Variants in ADAMTS9 observed in about 807,000 individuals in gnomAD.
The protein encoded by ADAMTS9 is ADAM metallopeptidase with thrombospondin type 1 motif 9.
A neutral mutation model predicts 257.1 loss-of-function variants in ADAMTS9; 107 were observed. The observed-to-expected ratio is 0.42, with a 90% CI of 0.36 to 0.49. The LOEUF (loss-of-function observed/expected upper bound fraction) is 0.49, where lower values mean the gene tolerates loss of function less well. Among genes scored for constraint, ADAMTS9 ranks in the 20% least tolerant of loss-of-function variants. ADAMTS9 has a pLI of 0.03. For synonymous variants in ADAMTS9, 982 were observed against 880.9 expected (o/e 1.11, Z -2.03); for missense variants, 2,353 against 2,469.1 (o/e 0.95, Z 1.00).
At chr3:64,568,206 C>A (rs1345258576) in intron 29 of ADAMTS9, among the ~76,000 whole-genome samples, 162 bp downstream of exon 29, 1 of 152,182 alleles carries the variant, frequency 6.6e-6, no homozygotes, top group African/African-American at 2.4e-5. Flanking sequence ...TGTCACACAG[C>A]TAGTAAGTAT....
chr3:64,617,336 C>T (rs748855779), intron 19 of ADAMTS9, among the ~76,000 whole-genome samples: 2 of 152,136 alleles, frequency 1.3e-5, no homozygotes, highest in Admixed American at 1.3e-4. Flanking sequence ...GTCCTGCCTC[C>T]ACAAGAAAAC....
chr3:64,602,935 C>T (rs1183751115), intron 25 of ADAMTS9, among the ~76,000 whole-genome samples: 1 of 152,162 alleles, frequency 6.6e-6, no homozygotes, highest in East Asian at 1.9e-4. Context: ...AGCAAGCTTT[C>T]ACAAATATCT....
chr3:64,616,008 G>C lies in ADAMTS9; in HGVS notation c.2976C>G (p.Cys992Trp). Residue 992 changes from cysteine to tryptophan, a missense_variant, in exon 20 of 40, where the codon TGC becomes TGG. Physicochemically the swap from Cys to Trp is radical, Grantham distance 215. Transcript: ENST00000498707. ...AGCCACCCGTGTTACATTCCCCTGA[G>C]CATTTTTCACGGTTGCTTGGTTTGG... ...SHPKPSNREK[C>W]SGECNTGGWR... is the part of the protein sequence containing the mutation. 9 of 1,613,926 alleles carry C rather than the reference G, an allele frequency of 5.6e-6. No homozygotes were observed. Among genetic ancestry groups the C allele is most frequent in the Middle Eastern group, 1.7e-4 (1 of 5,970 alleles).
At chr3:64,565,995 C>T (rs545176282) in intron 29 of ADAMTS9, among the ~76,000 whole-genome samples, 16 of 152,224 alleles carry the variant, frequency 1.1e-4, no homozygotes, top group South Asian at 2.1e-4. Flanking sequence ...AGTTTCTATC[C>T]GAATATCCTA....
At chr3:64,648,112 G>A (rs1700841636) in intron 10 of ADAMTS9, 68 bp from the exon 11 acceptor site, 3 of 1,418,328 alleles carry the variant, frequency 2.1e-6, no homozygotes, top group Non-Finnish European at 1.9e-6. Flanking sequence ...ACAAAGCAAA[G>A]CTTGCTTTCA....
intron 32 of ADAMTS9, among the ~76,000 whole-genome samples, 199 bp downstream of exon 32, chr3:64,546,559 G>C (rs1417000748): frequency 6.6e-6 from 1 of 152,206 alleles, no homozygotes; most frequent in Non-Finnish European, 1.5e-5. Context: ...TCTGGCTTCA[G>C]AGCCCATGTT....
At chr3:64,606,628 A>G (rs2084560772) in intron 23 of ADAMTS9, among the ~76,000 whole-genome samples, 1 of 152,196 alleles carries the variant, frequency 6.6e-6, no homozygotes, top group South Asian at 2.1e-4. Flanking sequence ...CCAGCAAATC[A>G]CCGCCTGAAC....
At chr3:64,517,567 A>G (rs2082796040) in intron 39 of ADAMTS9, among the ~76,000 whole-genome samples, 1 of 151,488 alleles carries the variant, frequency 6.6e-6, no homozygotes, top group African/African-American at 2.4e-5. Context: ...CCTAGATTTT[A>G]AAAGTAATGT....
intron 16 of ADAMTS9, among the ~76,000 whole-genome samples, chr3:64,627,284 T>C (rs1215729045): frequency 6.6e-6 from 1 of 152,006 alleles, no homozygotes; most frequent in Non-Finnish European, 1.5e-5. Context: ...TTCCAGTAGA[T>C]GTGAGTAGGG....
chr3:64,604,415 A>G (rs1253492036), intron 23 of ADAMTS9, 84 bp from the exon 24 acceptor site: 22 of 993,676 alleles, frequency 2.2e-5, no homozygotes, highest in Non-Finnish European at 3.3e-5. Flanking sequence ...ATAAAAATGT[A>G]AAGGCTAAGA....
intron 39 of ADAMTS9, among the ~76,000 whole-genome samples, chr3:64,520,979 C>G (rs888411699): frequency 3.3e-5 from 5 of 151,936 alleles, no homozygotes; most frequent in Non-Finnish European, 5.9e-5. Context: ...TTCTGCACAT[C>G]AAAAGAAACT....
rs751226666 is a variant in ADAMTS9, at chr3:64,541,820, T to C, written c.5197+18A>G. 3 of 1,613,934 alleles carry C rather than the reference T, an allele frequency of 1.9e-6. No individual in the cohort carries two copies. Among genetic ancestry groups the C allele is most frequent in the African/African-American group, 1.3e-5 (1 of 75,052 alleles). ...GTTCTTCATGCTAAAGAAAGATAACTTCAGTTGGCCAACTTACAGTTATAG... is the reference window on the plus strand; with the variant it reads ...GTTCTTCATGCTAAAGAAAGATAACCTCAGTTGGCCAACTTACAGTTATAG... On this transcript the variant is annotated intron_variant, in intron 33 of 39. Coordinates refer to ENST00000498707, the MANE Select transcript of ADAMTS9 (RefSeq NM_182920.2).
chr3:64,549,903 A>T (rs905504776), intron 31 of ADAMTS9, among the ~76,000 whole-genome samples: 41 of 152,214 alleles, frequency 2.7e-4, no homozygotes, highest in African/African-American at 8.9e-4. Flanking sequence ...AACACCCAAC[A>T]CACACATCAT....
intron 12 of ADAMTS9, among the ~76,000 whole-genome samples, chr3:64,634,693 C>T (rs144259982): frequency 2.6e-5 from 4 of 152,262 alleles, no homozygotes; most frequent in African/African-American, 4.8e-5. Context: ...ATCACAGAAT[C>T]GTAGGACGTT....
chr3:64,551,373 C>T (rs1189594760), intron 30 of ADAMTS9, among the ~76,000 whole-genome samples: 1 of 152,060 alleles, frequency 6.6e-6, no homozygotes, highest in Non-Finnish European at 1.5e-5. Context: ...CCACGCCAGG[C>T]TAATTTTTTG....
chr3:64,527,238 A>G (rs996776421), intron 38 of ADAMTS9, among the ~76,000 whole-genome samples: 31 of 152,184 alleles, frequency 2.0e-4, no homozygotes, highest in Non-Finnish European at 4.1e-4. Flanking sequence ...TTCGATGATT[A>G]TTTTGTTAGC....
intron 23 of ADAMTS9, among the ~76,000 whole-genome samples, chr3:64,604,713 A>G (rs536601348): frequency 1.2e-4 from 19 of 152,300 alleles, no homozygotes; most frequent in African/African-American, 4.6e-4. Context: ...ATGTTCTCAC[A>G]TTTCAATTAA....
At chr3:64,629,952 C>A (rs1186860252) in intron 16 of ADAMTS9, among the ~76,000 whole-genome samples, 1 of 152,200 alleles carries the variant, frequency 6.6e-6, no homozygotes, top group African/African-American at 2.4e-5. Context: ...TCAACAAATA[C>A]TCATTTACCA....
intron 12 of ADAMTS9, among the ~76,000 whole-genome samples, chr3:64,638,969 C>T (rs1700569478): frequency 6.6e-6 from 1 of 152,152 alleles, no homozygotes; most frequent in African/African-American, 2.4e-5. Flanking sequence ...GCTCGTCGAA[C>T]TGACAAAAGG....
Sources: gnomAD v4.1 joint callset for allele counts (sites outside exome capture counted in the v4.1 genomes callset) on GRCh38, gnomAD v4.1.1 for gene constraint, MANE v1.5 for transcripts, NCBI Gene and HGNC (gene_info 2026-07-23, HGNC 2026-07-21) for gene names.